The following UBR1 variants were observed in gnomAD, a reference collection of about 807,000 sequenced individuals.
The protein encoded by UBR1 is ubiquitin protein ligase E3 component n-recognin 1, also known as E3 ubiquitin-protein ligase UBR1.
A neutral mutation model predicts 242.1 loss-of-function variants in UBR1; 102 were observed. The observed-to-expected ratio is 0.42, with a 90% CI of 0.36 to 0.50. UBR1 has a LOEUF of 0.50. UBR1 is among the 20% of genes least tolerant of loss of function. The pLI, the probability that UBR1 is intolerant of heterozygous loss-of-function variation, is 0.01. For synonymous variants in UBR1, 675 were observed against 684.8 expected, an observed-to-expected ratio of 0.99 and a Z score of 0.22; for missense variants, 1,772 against 2,101.8, an observed-to-expected ratio of 0.84 and a Z score of 3.07.
At chr15:42,977,821 G>A in intron 38 of UBR1, 59 bp downstream of exon 38, 3 of 1,415,128 alleles carry the variant, frequency 2.1e-6, no homozygotes, top group East Asian at 4.6e-5. Context: ...GAATTTAAAT[G>A]AGGAAAATAC....
chr15:42,995,849 A>T (rs2032630040), intron 33 of UBR1, among the ~76,000 whole-genome samples: 1 of 152,190 alleles, frequency 6.6e-6, no homozygotes, highest in African/African-American at 2.4e-5. Context: ...AACTGACAGG[A>T]CGTTGCCAGA....
At chr15:42,967,768 G>A (rs190637459) in intron 40 of UBR1, among the ~76,000 whole-genome samples, 90 of 151,622 alleles carry the variant, frequency 5.9e-4, no homozygotes, top group Non-Finnish European at 7.8e-4. Flanking sequence ...AACCTAAAAT[G>A]TCTCTAAAAA....
At chr15:43,022,132 T>C (rs1047618566) in intron 26 of UBR1, among the ~76,000 whole-genome samples, 2 of 152,112 alleles carry the variant, frequency 1.3e-5, no homozygotes, top group Admixed American at 1.3e-4. Flanking sequence ...ATCTAAAAAA[T>C]ACAGCATGTA....
chr15:42,950,213 A>T lies in UBR1; in HGVS notation c.5108+49T>A. 3 of 1,453,484 alleles carry T rather than the reference A, an allele frequency of 2.1e-6. No individual in the cohort carries two copies. The South Asian group carries it at 3.4e-5, about 17-fold the overall frequency. 90.0% of individuals were successfully genotyped at this position (1,453,484 alleles called of 1,614,324 possible). On this transcript the variant is annotated intron_variant, in intron 46 of 46. Coordinates refer to ENST00000290650, the MANE Select transcript of UBR1 (RefSeq NM_174916.3). ...GTGACTGAAATAGAAAACAATCAAC[A>T]TAAAAGAGAACTTACTGAAACCTTC...
Position 43,003,932 on chromosome 15 carries a change from T to C in UBR1, c.3416-2A>G. 9.9e-6 allele frequency: 16 copies of C among 1,613,684 alleles called. No individual in the cohort carries two copies. The highest frequency in any genetic ancestry group is 1.4e-5 in the Non-Finnish European group (16 of 1,179,636). On this transcript the variant is annotated splice_acceptor_variant, in intron 30 of 46. Transcript: ENST00000290650. LOFTEE classifies it high-confidence loss of function. ...CCATGAAAAGTGGGTCTAGGGCTTC[T>C]GGTACAAGGTATAAAAAGGAGGGAA...
At chr15:43,020,321 G>T (rs1045376693) in intron 27 of UBR1, among the ~76,000 whole-genome samples, 10 of 152,152 alleles carry the variant, frequency 6.6e-5, no homozygotes, top group African/African-American at 2.4e-4. Context: ...GATTACAGGT[G>T]CTAGCCACCA....
intron 6 of UBR1, among the ~76,000 whole-genome samples, chr15:43,061,795 T>C (rs1596125239): frequency 1.1e-5 from 1 of 89,100 alleles, no homozygotes; most frequent in African/African-American, 4.4e-5. Flanking sequence ...CAATGGACTT[T>C]GGGTACTTTG....
At chr15:42,998,359 T>C (rs2032671804) in intron 32 of UBR1, 94 bp from the exon 33 acceptor site, 1 of 1,182,394 alleles carries the variant, frequency 8.5e-7, no homozygotes, top group Non-Finnish European at 1.2e-6. Flanking sequence ...AATGGTCATA[T>C]AAAAAAGTTG....
intron 39 of UBR1, among the ~76,000 whole-genome samples, chr15:42,974,528 A>G (rs1213493186): frequency 1.3e-5 from 2 of 152,132 alleles, no homozygotes; most frequent in Non-Finnish European, 2.9e-5. Context: ...TTCTCCTCCA[A>G]TACTGAGCTG....
intron 30 of UBR1, among the ~76,000 whole-genome samples, chr15:43,004,619 G>C (rs1398830134): frequency 6.6e-6 from 1 of 152,230 alleles, no homozygotes; most frequent in Admixed American, 6.5e-5. Flanking sequence ...GACCGCGAGT[G>C]ATCTGCCTGC....
chr15:43,012,584 A>C (rs2032939553), intron 29 of UBR1, among the ~76,000 whole-genome samples: 1 of 152,248 alleles, frequency 6.6e-6, no homozygotes, highest in Non-Finnish European at 1.5e-5. Flanking sequence ...CATTAAGGCC[A>C]TAAATGAACT....
chr15:42,994,864 A>C (rs1247330921), intron 33 of UBR1, among the ~76,000 whole-genome samples: 1 of 152,032 alleles, frequency 6.6e-6, no homozygotes, highest in African/African-American at 2.4e-5. Context: ...TTATCTCCTC[A>C]CTCTTGCAAT....
chr15:42,998,024 T>A, intron 33 of UBR1, 144 bp downstream of exon 33: 1 of 731,836 alleles, frequency 1.4e-6, no homozygotes, highest in Non-Finnish European at 2.2e-6. Flanking sequence ...TTTAAGCCAC[T>A]TATTTTTAGC....
intron 1 of UBR1, among the ~76,000 whole-genome samples, chr15:43,099,025 G>A (rs1270812706): frequency 1.3e-5 from 2 of 152,124 alleles, no homozygotes; most frequent in African/African-American, 4.8e-5. Flanking sequence ...GAAGTCAAGA[G>A]ATTATGTTGT....
chr15:43,056,740 G>A (rs1596122607), intron 10 of UBR1, among the ~76,000 whole-genome samples: 1 of 152,104 alleles, frequency 6.6e-6, no homozygotes, highest in East Asian at 1.9e-4. Flanking sequence ...GGACTGCAAT[G>A]GTATAGTTTA....
intron 12 of UBR1, among the ~76,000 whole-genome samples, chr15:43,049,913 T>A (rs150504537): frequency 7.2e-5 from 11 of 152,184 alleles, no homozygotes; most frequent in African/African-American, 2.6e-4. Context: ...AGAGGCAACA[T>A]GTTGGGCTCT....
chr15:43,027,592 A>AT lies in UBR1; in HGVS notation c.2432+183dup, dbSNP rs541248702. Among the ~76,000 whole-genome samples, 75 of 152,162 alleles carry AT rather than the reference A, an allele frequency of 4.9e-4. No homozygotes were observed. In the South Asian group the frequency reaches 0.014, roughly 28 times the overall value. ...TCTCATTCACTTGCCAAAAACACTC[A>AT]TTTTTTCAACAAACAGGTGCTAAGT... On this transcript the variant is annotated intron_variant, in intron 22 of 46. Coordinates refer to ENST00000290650, the MANE Select transcript of UBR1 (RefSeq NM_174916.3).
intron 1 of UBR1, among the ~76,000 whole-genome samples, chr15:43,088,728 G>A (rs1192224943): frequency 6.6e-6 from 1 of 151,860 alleles, no homozygotes; most frequent in Admixed American, 6.6e-5. Flanking sequence ...TATTAATAAT[G>A]GCTACACAGA....
At chr15:42,988,109 C>T (rs940496486) in intron 35 of UBR1, among the ~76,000 whole-genome samples, 19 of 152,074 alleles carry the variant, frequency 1.2e-4, no homozygotes, top group African/African-American at 4.1e-4. Context: ...TTCCCCTTTC[C>T]GTTAATTTTT....
Sources: allele counts gnomAD v4.1 joint callset (sites outside exome capture counted in the v4.1 genomes callset), GRCh38; gene constraint gnomAD v4.1.1; transcripts MANE v1.5; gene names NCBI Gene and HGNC (gene_info 2026-07-23, HGNC 2026-07-21).